KCNK12: variants seen among roughly 807,000 people sequenced by gnomAD.
KCNK12 encodes potassium two pore domain channel subfamily K member 12.
KCNK12 carries 6 observed loss-of-function variants against 25.3 expected under a neutral mutation model. The observed-to-expected ratio is 0.24, with a 90% confidence interval of 0.13 to 0.47. The LOEUF (loss-of-function observed/expected upper bound fraction) is 0.47, where lower values mean the gene tolerates loss of function less well. Ranked by LOEUF, KCNK12 falls within the 20% of genes least tolerant of loss-of-function variation. KCNK12 has a pLI of 0.99. For missense variants in KCNK12, 444 were observed against 661.7 expected (o/e 0.67, Z 3.61); for synonymous variants, 331 against 311.1 (o/e 1.06, Z -0.67).
rs532637313 is a variant in KCNK12, at chr2:47,562,432, C to T, written c.391+7509G>A. ...CTCAATTTTTCTAAGGGCCCAGGCA[C>T]ACCAGTTACCACTGACCTGCTAGTA... On this transcript the variant is annotated intron_variant, in intron 1 of 1. Coordinates refer to ENST00000327876, the MANE Select transcript of KCNK12 (RefSeq NM_022055.2). This position sits in a 1 kb window ranked among gnomAD's most constrained non-coding sequence, Gnocchi z 4.8. The T allele has an allele frequency of 7.8e-5, 22 of 281,188 alleles. No homozygotes were observed. The highest frequency in any genetic ancestry group is 4.5e-4 in the African/African-American group (21 of 46,808). 17.4% of individuals were successfully genotyped at this position (281,188 alleles called of 1,614,324 possible).
At chr2:47,546,423 G>A (rs1268443001) in intron 1 of KCNK12, among the ~76,000 whole-genome samples, 1 of 152,160 alleles carries the variant, frequency 6.6e-6, no homozygotes, top group Non-Finnish European at 1.5e-5. Flanking sequence ...ACTATTCCTC[G>A]CATTTAAAGC....
rs2104870974 is a variant in KCNK12, at chr2:47,557,423, C to A, written c.391+12518G>T. On this transcript the variant is annotated intron_variant, in intron 1 of 1. Coordinates refer to ENST00000327876, the MANE Select transcript of KCNK12 (RefSeq NM_022055.2). This position sits in a 1 kb window ranked among gnomAD's most constrained non-coding sequence, Gnocchi z 4.9. Reference sequence around the variant, plus strand: ...CCTCCAGAATGGTGAGTGAAATCAACTTTTTTTTGTTTGTTTTTTTTTAAT... The same window carrying A: ...CCTCCAGAATGGTGAGTGAAATCAAATTTTTTTTGTTTGTTTTTTTTTAAT... 6.6e-6 allele frequency among the ~76,000 whole-genome samples: 1 copy of A among 151,808 alleles called. No homozygotes were observed. Among genetic ancestry groups the A allele is most frequent in the South Asian group, 2.1e-4 (1 of 4,798 alleles).
Position 47,514,512 on chromosome 2 carries a change from T to C in KCNK12, c.*6395A>G, listed in dbSNP as rs1379976228. On this transcript the variant is annotated 3_prime_UTR_variant, in exon 2 of 2. Transcript: ENST00000327876. The surrounding 1 kb of genome is among the most constrained non-coding windows in gnomAD (Gnocchi z 5.0). The stretch of plus-strand genomic sequence containing the variant: ...GGAGGAAAGTGCCAAATTTCCAAGA[T>C]TGGCCAGGGGATTAAATAAGATAAA... Among the ~76,000 whole-genome samples, 2 of 152,194 alleles carry C rather than the reference T, an allele frequency of 1.3e-5. No individual in the cohort carries two copies. The highest frequency in any genetic ancestry group is 3.8e-4 in the East Asian group (2 of 5,202).
chr2:47,544,916 C>CG (rs1553380277), intron 1 of KCNK12, among the ~76,000 whole-genome samples: 28 of 152,204 alleles, frequency 1.8e-4, no homozygotes, highest in Admixed American at 1.6e-3. Context: ...GACTCAAGGA[C>CG]AAAAAAATCC....
chr2:47,562,791 C>G lies in KCNK12; in HGVS notation c.391+7150G>C, dbSNP rs1237329752. ...CTCCACCCCCTGTTCCTCACCAACT[C>G]TCCCCGTGTAGAAACTCTGCAGAGA... On this transcript the variant is annotated intron_variant, in intron 1 of 1. Coordinates refer to ENST00000327876, the MANE Select transcript of KCNK12 (RefSeq NM_022055.2). This position sits in a 1 kb window ranked among gnomAD's most constrained non-coding sequence, Gnocchi z 4.8. 4.3e-6 allele frequency: 1 copy of G among 233,158 alleles called. No individual in the cohort carries two copies. 14.4% of individuals were successfully genotyped at this position (233,158 alleles called of 1,614,324 possible).
chr2:47,524,843 G>C (rs1444878636), intron 1 of KCNK12, among the ~76,000 whole-genome samples: 1 of 152,126 alleles, frequency 6.6e-6, no homozygotes, highest in African/African-American at 2.4e-5. Flanking sequence ...AGGGAGTAGG[G>C]GCTGAGGGGC....
chr2:47,524,629 G>C (rs576882016), intron 1 of KCNK12, among the ~76,000 whole-genome samples: 1 of 152,206 alleles, frequency 6.6e-6, no homozygotes, highest in Non-Finnish European at 1.5e-5. Context: ...TAGTAGCTGA[G>C]AGGGGACATA....
At position 47,569,832 on chromosome 2, in the gene KCNK12, T is replaced by G; in HGVS notation, c.391+109A>C. On this transcript the variant is annotated intron_variant, in intron 1 of 1. Transcript: ENST00000327876. The surrounding 1 kb of genome is among the most constrained non-coding windows in gnomAD (Gnocchi z 4.1). The stretch of plus-strand genomic sequence containing the variant: ...CGAGACGAAAGTAAGCAAAGGGACA[T>G]TAGAAGGGAAGGCAGAGCCGAGGGA... 2 of 876,266 alleles carry G rather than the reference T, an allele frequency of 2.3e-6. No homozygotes were observed. The highest frequency in any genetic ancestry group is 3.1e-6 in the Non-Finnish European group (2 of 648,196). 54.3% of individuals were successfully genotyped at this position (876,266 alleles called of 1,614,324 possible). A position where few individuals can be genotyped will look rare whatever the true frequency, so the allele number is the denominator to read the frequency against.
intron 1 of KCNK12, chr2:47,543,354 C>A (rs968498149): frequency 2.0e-5 from 3 of 151,750 alleles, no homozygotes; most frequent in African/African-American, 4.8e-5. Flanking sequence ...CATTTTCACA[C>A]ACGGTTTATT....
In KCNK12 at chr2:47,540,975, C is replaced by G. The variant is rs1240130295; in HGVS notation, c.392-19167G>C. On this transcript the variant is annotated intron_variant, in intron 1 of 1. Transcript: ENST00000327876. The surrounding 1 kb of genome is among the most constrained non-coding windows in gnomAD (Gnocchi z 5.4). ...CATAAATCAGTAAGATCCATCTGTGCAATTCCTTCCTCCTAGAATTCAGAA... is the reference window on the plus strand; with the variant it reads ...CATAAATCAGTAAGATCCATCTGTGGAATTCCTTCCTCCTAGAATTCAGAA... 6.6e-6 allele frequency among the ~76,000 whole-genome samples: 1 copy of G among 152,152 alleles called. No individual in the cohort carries two copies. Among genetic ancestry groups the G allele is most frequent in the Non-Finnish European group, 1.5e-5 (1 of 68,016 alleles).
At chr2:47,563,904 T>G (rs1032793666) in intron 1 of KCNK12, 8 of 232,312 alleles carry the variant, frequency 3.4e-5, no homozygotes, top group African/African-American at 1.8e-4. Flanking sequence ...CTCTCTCAGC[T>G]GGCTTGGCCC....
Position 47,548,494 on chromosome 2 carries a change from G to A in KCNK12, c.391+21447C>T, listed in dbSNP as rs1669359799. 6.6e-6 allele frequency among the ~76,000 whole-genome samples: 1 copy of A among 152,142 alleles called. No individual in the cohort carries two copies. Among genetic ancestry groups the A allele is most frequent in the African/African-American group, 2.4e-5 (1 of 41,414 alleles). ...CAAATCCATCCTTGCAGTTGCTAAG[G>A]GCAAAAGTCTTAGAGCCCTTTTTTA... On this transcript the variant is annotated intron_variant, in intron 1 of 1. Transcript: ENST00000327876. The surrounding 1 kb of genome is among the most constrained non-coding windows in gnomAD (Gnocchi z 4.4).
At chr2:47,536,659 A>G (rs1669075434) in intron 1 of KCNK12, among the ~76,000 whole-genome samples, 1 of 152,216 alleles carries the variant, frequency 6.6e-6, no homozygotes, top group Admixed American at 6.5e-5. Context: ...GCAATGAGGA[A>G]GCTTGGCCAC....
chr2:47,536,312 ATTGTCC>A, intron 1 of KCNK12, among the ~76,000 whole-genome samples: 1 of 152,134 alleles, frequency 6.6e-6, no homozygotes, highest in Non-Finnish European at 1.5e-5. Context: ...TGTCCTGACC[ATTGTCC>A]CAGAGATTTA....
intron 1 of KCNK12, among the ~76,000 whole-genome samples, chr2:47,545,543 G>A (rs145212793): frequency 1.8e-3 from 275 of 152,238 alleles, no homozygotes; most frequent in African/African-American, 5.9e-3. Context: ...CATCATTTTC[G>A]CAGCACCAAC....
rs1668537944 is a variant in KCNK12, at chr2:47,516,873, G to A, written c.*4034C>T. ...CAATTGTGCTCTGGGGTGCCTGAAAGTGCCAGAGCTGCTTCAGGGGCAAGA... is the reference window on the plus strand; with the variant it reads ...CAATTGTGCTCTGGGGTGCCTGAAAATGCCAGAGCTGCTTCAGGGGCAAGA... On this transcript the variant is annotated 3_prime_UTR_variant, in exon 2 of 2. Transcript: ENST00000327876. 6.6e-6 allele frequency: 1 copy of A among 152,228 alleles called. No individual in the cohort carries two copies. 9.4% of individuals were successfully genotyped at this position (152,228 alleles called of 1,614,324 possible). A position where few individuals can be genotyped will look rare whatever the true frequency, so the allele number is the denominator to read the frequency against.
In KCNK12 at chr2:47,511,656, A is replaced by G. The variant is rs1668405945; in HGVS notation, c.*9251T>C. 6.6e-6 allele frequency among the ~76,000 whole-genome samples: 1 copy of G among 152,204 alleles called. No homozygotes were observed. The highest frequency in any genetic ancestry group is 1.5e-5 in the Non-Finnish European group (1 of 68,048). ...GGTCTTTCCATAGGGGATGAGGAAG[A>G]CAAGGCCACTTGGAGGCAGAGGAGA... On this transcript the variant is annotated 3_prime_UTR_variant, in exon 2 of 2. Coordinates refer to ENST00000327876, the MANE Select transcript of KCNK12 (RefSeq NM_022055.2). This position sits in a 1 kb window ranked among gnomAD's most constrained non-coding sequence, Gnocchi z 4.3.
Position 47,551,411 on chromosome 2 carries a change from C to T in KCNK12, c.391+18530G>A, listed in dbSNP as rs77512067. 2.1e-3 allele frequency among the ~76,000 whole-genome samples: 316 copies of T among 152,268 alleles called. 1 individual carries two copies. Among genetic ancestry groups the T allele is most frequent in the African/African-American group, 7.0e-3 (291 of 41,548 alleles). ...GTTTTGTTCTTTTTGCAGCATTTAC[C>T]ACCACCTGACATTTATTTGTATGTT... On this transcript the variant is annotated intron_variant, in intron 1 of 1. Transcript: ENST00000327876. The surrounding 1 kb of genome is among the most constrained non-coding windows in gnomAD (Gnocchi z 5.3).
rs76816804 is a variant in KCNK12 at position 47,557,391 on chromosome 2, T to G, written c.391+12550A>C. On this transcript the variant is annotated intron_variant, in intron 1 of 1. Coordinates refer to ENST00000327876, the MANE Select transcript of KCNK12 (RefSeq NM_022055.2). The surrounding 1 kb of genome is among the most constrained non-coding windows in gnomAD (Gnocchi z 4.9). The stretch of plus-strand genomic sequence containing the variant: ...GATGCCAGAGCCCTCTATCATAAAC[T>G]TCCCAGCCTCCAGAATGGTGAGTGA... Among the ~76,000 whole-genome samples the G allele has an allele frequency of 7.3e-3, 1,112 of 152,266 alleles. 12 individuals carry two copies. Among genetic ancestry groups the G allele is most frequent in the Admixed American group, 0.021 (325 of 15,294 alleles).
Sources: gnomAD v4.1 joint callset for allele counts (sites outside exome capture counted in the v4.1 genomes callset) on GRCh38, gnomAD v4.1.1 for gene constraint, Gnocchi (gnomAD v3.1) non-coding constraint, MANE v1.5 for transcripts, NCBI Gene and HGNC (gene_info 2026-07-23, HGNC 2026-07-21) for gene names.